RAB20: variants seen among roughly 807,000 people sequenced by gnomAD.
RAB20 encodes the protein RAB20, member RAS oncogene family.
A neutral mutation model predicts 3.7 loss-of-function variants in RAB20; 2 were observed. That is an observed-to-expected ratio of 0.54 (90% CI 0.22 to 1.69). The LOEUF is 1.69. Among genes scored for constraint, RAB20 ranks in the 40% most tolerant of loss-of-function variants. The probability of loss-of-function intolerance (pLI) is 0.19; values close to 1 mark genes in which losing one functional copy is unlikely to be tolerated. For synonymous variants in RAB20, 126 were observed against 130.8 expected, an observed-to-expected ratio of 0.96 and a Z score of 0.25; for missense variants, 276 against 311.9, an observed-to-expected ratio of 0.88 and a Z score of 0.87.
At chr13:110,530,687 G>A (rs549523200) in intron 1 of RAB20, among the ~76,000 whole-genome samples, 47 of 127,542 alleles carry the variant, frequency 3.7e-4, no homozygotes, top group Non-Finnish European at 6.4e-4. Context: ...TGGGGAAGTA[G>A]GTCCCACCCG....
At chr13:110,560,092 G>A (rs963478712) in intron 1 of RAB20, among the ~76,000 whole-genome samples, 3 of 152,136 alleles carry the variant, frequency 2.0e-5, no homozygotes, top group Non-Finnish European at 2.9e-5. Context: ...TTCGTGAATT[G>A]GGTTCGATTT....
intron 1 of RAB20, among the ~76,000 whole-genome samples, chr13:110,552,970 G>A: frequency 6.6e-6 from 1 of 152,228 alleles, no homozygotes; most frequent in East Asian, 1.9e-4. Flanking sequence ...AGCGGCCACT[G>A]TGCTCTGCAA....
At chr13:110,560,593 T>C (rs180719683) in intron 1 of RAB20, among the ~76,000 whole-genome samples, 378 of 152,312 alleles carry the variant, frequency 2.5e-3, no homozygotes, top group Non-Finnish European at 4.0e-3. Context: ...TCTTATTCTT[T>C]TGTAAGGAGA....
Position 110,524,939 on chromosome 13 carries a change from C to T in RAB20, c.173-742G>A, listed in dbSNP as rs369965588. 5.3e-4 allele frequency among the ~76,000 whole-genome samples: 80 copies of T among 152,356 alleles called. 2 individuals carry two copies. The South Asian group carries it at 9.3e-3, about 18-fold the overall frequency. On this transcript the variant is annotated intron_variant, in intron 1 of 1. Transcript: ENST00000267328. ...TCCAGGTTTAAAACAGACAGAGGTG[C>T]GGGCAATTGCAGGCAAGCCGGGAAC...
In RAB20 at chr13:110,555,061, G is replaced by C. The variant is rs894338599; in HGVS notation, c.172+6287C>G. On this transcript the variant is annotated intron_variant, in intron 1 of 1. Transcript: ENST00000267328. This position sits in a 1 kb window ranked among gnomAD's most constrained non-coding sequence, Gnocchi z 4.0. ...GATGCTGCTTCCCAGTCTGTAGGACGGCAACGTTGACGCCTCCCAGGAGGA... is the reference window on the plus strand; with the variant it reads ...GATGCTGCTTCCCAGTCTGTAGGACCGCAACGTTGACGCCTCCCAGGAGGA... Among the ~76,000 whole-genome samples, 1 of 152,132 alleles carries C rather than the reference G, an allele frequency of 6.6e-6. No individual in the cohort carries two copies. Among genetic ancestry groups the C allele is most frequent in the Non-Finnish European group, 1.5e-5 (1 of 68,036 alleles).
intron 1 of RAB20, among the ~76,000 whole-genome samples, chr13:110,547,111 G>C (rs1721907915): frequency 6.6e-6 from 1 of 152,172 alleles, no homozygotes; most frequent in African/African-American, 2.4e-5. Flanking sequence ...CAGAAGCCTG[G>C]AATGCCGCCA....
intron 1 of RAB20, among the ~76,000 whole-genome samples, chr13:110,527,062 TGGCTCTCTAA>T (rs989255536): frequency 5.3e-4 from 80 of 151,028 alleles, no homozygotes; most frequent in African/African-American, 1.9e-3. Context: ...TGCACACATG[TGGCTCTCTAA>T]GGCAGACTGT....
At chr13:110,546,044 T>C (rs1056878209) in intron 1 of RAB20, among the ~76,000 whole-genome samples, 5 of 152,248 alleles carry the variant, frequency 3.3e-5, no homozygotes, top group African/African-American at 1.2e-4. Context: ...CAATCCATAA[T>C]TCTGAAAGTG....
chr13:110,545,895 C>T (rs1322029983), intron 1 of RAB20, among the ~76,000 whole-genome samples: 1 of 152,138 alleles, frequency 6.6e-6, no homozygotes, highest in Non-Finnish European at 1.5e-5. Flanking sequence ...GAAAATGCTG[C>T]ATTTACTTCT....
At chr13:110,526,546 G>C (rs555622266) in intron 1 of RAB20, among the ~76,000 whole-genome samples, 1 of 152,102 alleles carries the variant, frequency 6.6e-6, no homozygotes, top group Non-Finnish European at 1.5e-5. Context: ...GGACAGTGTC[G>C]ACCACTAGCA....
chr13:110,543,934 C>T (rs1037634933), intron 1 of RAB20, among the ~76,000 whole-genome samples: 1 of 152,000 alleles, frequency 6.6e-6, no homozygotes, highest in Admixed American at 6.6e-5. Context: ...GCCACCACAC[C>T]CGGCCAATTT....
intron 1 of RAB20, among the ~76,000 whole-genome samples, chr13:110,536,347 T>G (rs949260297): frequency 6.6e-6 from 1 of 152,138 alleles, no homozygotes; most frequent in Admixed American, 6.5e-5. Flanking sequence ...AGACCCCTAC[T>G]AAAGCATGGA....
chr13:110,560,693 C>G (rs576391207), intron 1 of RAB20, among the ~76,000 whole-genome samples: 1 of 152,130 alleles, frequency 6.6e-6, no homozygotes, highest in African/African-American at 2.4e-5. Context: ...CTAAGTTGTA[C>G]TTTTGAAAAG....
At chr13:110,536,391 G>A (rs1472819845) in intron 1 of RAB20, among the ~76,000 whole-genome samples, 1 of 152,192 alleles carries the variant, frequency 6.6e-6, no homozygotes, top group African/African-American at 2.4e-5. Context: ...CCCCTAGACA[G>A]GCACCGAAAG....
chr13:110,557,692 C>T (rs573156407), intron 1 of RAB20, among the ~76,000 whole-genome samples: 2 of 152,350 alleles, frequency 1.3e-5, no homozygotes, highest in South Asian at 2.1e-4. Flanking sequence ...AGCTGGATGC[C>T]GGCACAGGGA....
chr13:110,523,866 A>G lies in RAB20; in HGVS notation c.504T>C (p.Asp168=), dbSNP rs139157282. ...GCTCAGCGGCCGGCACATCCTGCTC[A>G]TCCAGCATCTTGTACTTGAGGATCT... ...YKKILKYKML[D]EQDVPAAEQM... The change falls in exon 2 of 2, where the codon GAT becomes GAC. Residue 168 remains aspartate, a synonymous_variant. Transcript: ENST00000267328. 1.8e-5 allele frequency: 29 copies of G among 1,614,078 alleles called. No individual in the cohort carries two copies. In the African/African-American group the frequency reaches 3.2e-4, roughly 18 times the overall value.
chr13:110,533,407 G>A (rs1197049387), intron 1 of RAB20, among the ~76,000 whole-genome samples: 1 of 152,158 alleles, frequency 6.6e-6, no homozygotes, highest in Non-Finnish European at 1.5e-5. Context: ...TGGAGGCCAG[G>A]CACAGTGGTT....
rs1250966318 is a variant in RAB20, at chr13:110,540,602, C to T, written c.173-16405G>A. Among the ~76,000 whole-genome samples the T allele has an allele frequency of 2.0e-5, 3 of 151,928 alleles. No individual in the cohort carries two copies. In the East Asian group the frequency reaches 5.8e-4, roughly 29 times the overall value. ...TACTAAAAATACAAAATTAGCCAGG[C>T]GGAGTGGTGGGTGCCTCTAATCCCA... is the stretch of plus-strand genomic sequence containing the variant. On this transcript the variant is annotated intron_variant, in intron 1 of 1. Transcript: ENST00000267328.
chr13:110,530,458 C>T (rs1338853780), intron 1 of RAB20, among the ~76,000 whole-genome samples: 1 of 104,696 alleles, frequency 9.6e-6, no homozygotes, highest in Admixed American at 8.8e-5. Flanking sequence ...AGGTCCCACC[C>T]GCCCCACCTC....
Sources: allele counts gnomAD v4.1 joint callset (sites outside exome capture counted in the v4.1 genomes callset), GRCh38; gene constraint gnomAD v4.1.1; non-coding constraint Gnocchi (gnomAD v3.1); transcripts MANE v1.5; gene names NCBI Gene and HGNC (gene_info 2026-07-23, HGNC 2026-07-21).